The following CCNJL variants were observed in gnomAD, a reference collection of about 807,000 sequenced individuals.
The protein encoded by CCNJL is cyclin-J-like protein.
In CCNJL, 33 loss-of-function variants were observed where a neutral mutation model predicts 33.4. That is an observed-to-expected ratio of 0.99 (90% CI 0.75 to 1.32). The LOEUF (loss-of-function observed/expected upper bound fraction) is 1.32. Among genes scored for constraint, CCNJL ranks in the 40% most tolerant of loss-of-function variants. The pLI is 0.00. For synonymous variants in CCNJL, 227 were observed against 220.9 expected, an observed-to-expected ratio of 1.03 and a Z score of -0.24; for missense variants, 512 against 499.7, an observed-to-expected ratio of 1.02 and a Z score of -0.23.
chr5:160,270,711 ATTTTG>A (rs1377481479), intron 3 of CCNJL, among the ~76,000 whole-genome samples: 1 of 152,220 alleles, frequency 6.6e-6, no homozygotes, highest in Non-Finnish European at 1.5e-5. Flanking sequence ...AGTGATTTTT[ATTTTG>A]TTATTTTTAT....
chr5:160,283,986 G>T (rs528250529), intron 2 of CCNJL, among the ~76,000 whole-genome samples: 1 of 152,308 alleles, frequency 6.6e-6, no homozygotes, highest in South Asian at 2.1e-4. Context: ...ACTCCACTGT[G>T]TATATGTAGC....
chr5:160,323,458 C>T (rs1359215363), intron 1 of CCNJL, among the ~76,000 whole-genome samples: 1 of 152,162 alleles, frequency 6.6e-6, no homozygotes, highest in Non-Finnish European at 1.5e-5. Flanking sequence ...TTTAACCAGT[C>T]TTTCATTTTA....
intron 1 of CCNJL, among the ~76,000 whole-genome samples, chr5:160,335,029 A>G (rs1406248758): frequency 4.6e-5 from 7 of 152,236 alleles, no homozygotes; most frequent in Non-Finnish European, 1.0e-4. Context: ...TTGGGAGGCC[A>G]AGGTGGGCAG....
intron 2 of CCNJL, among the ~76,000 whole-genome samples, chr5:160,300,764 A>T (rs1762896908): frequency 6.6e-6 from 1 of 152,046 alleles, no homozygotes; most frequent in Non-Finnish European, 1.5e-5. Context: ...GGCCCAAGTG[A>T]TCCTCCCATT....
At chr5:160,270,902 G>A (rs1018399757) in intron 3 of CCNJL, among the ~76,000 whole-genome samples, 2 of 152,012 alleles carry the variant, frequency 1.3e-5, no homozygotes, top group African/African-American at 2.4e-5. Context: ...AGAATATCTC[G>A]GCATGAACCT....
At chr5:160,278,269 G>A (rs556835968) in intron 3 of CCNJL, among the ~76,000 whole-genome samples, 1 of 152,236 alleles carries the variant, frequency 6.6e-6, no homozygotes, top group South Asian at 2.1e-4. Context: ...CAAGGTGTTG[G>A]GATTATAGGT....
chr5:160,297,631 C>A (rs1033765988), intron 2 of CCNJL, among the ~76,000 whole-genome samples: 4 of 136,476 alleles, frequency 2.9e-5, no homozygotes, highest in Non-Finnish European at 6.1e-5. Flanking sequence ...CCTGGCAACA[C>A]AGTGAGATCT....
At chr5:160,294,225 C>T (rs924670417) in intron 2 of CCNJL, among the ~76,000 whole-genome samples, 35 of 152,180 alleles carry the variant, frequency 2.3e-4, no homozygotes, top group African/African-American at 8.2e-4. Flanking sequence ...CTCTCTGCCC[C>T]GATTGCTTCA....
chr5:160,254,179 C>G (rs534206663), intron 5 of CCNJL: 13 of 483,684 alleles, frequency 2.7e-5, no homozygotes, highest in Admixed American at 1.9e-4. Context: ...GCCTTCCCAT[C>G]CCCTGGCACT....
At position 160,320,977 on chromosome 5, in the gene CCNJL, CCT is replaced by C. The variant is rs1229883934; in HGVS notation, n.207-5474_207-5473del. 2.2e-4 allele frequency among the ~76,000 whole-genome samples: 26 copies of C among 116,594 alleles called. 3 individuals carry two copies. The highest frequency in any genetic ancestry group is 8.9e-4 in the East Asian group (4 of 4,512). 76.5% of individuals were successfully genotyped at this position (116,594 alleles called of 152,430 possible). Reference sequence around the variant, plus strand: ...CTTCTCTCCTCTCTGTCTCTCCCTCCCTCTCTCTCTTTCTTTCTTTCTCTCTC... The same window carrying C: ...CTTCTCTCCTCTCTGTCTCTCCCTCCCTCTCTCTTTCTTTCTTTCTCTCTC... On this transcript the variant is annotated intron_variant and non_coding_transcript_variant, in intron 1 of 7. Transcript: ENST00000377503.
At chr5:160,283,062 A>T in intron 2 of CCNJL, among the ~76,000 whole-genome samples, 1 of 141,414 alleles carries the variant, frequency 7.1e-6, no homozygotes, top group Non-Finnish European at 1.5e-5. Context: ...CCACACAAAA[A>T]CTTGTATATG....
intron 3 of CCNJL, among the ~76,000 whole-genome samples, chr5:160,262,204 G>A (rs1761367558): frequency 6.6e-6 from 1 of 152,114 alleles, no homozygotes; most frequent in Non-Finnish European, 1.5e-5. Context: ...ACTGTACTGG[G>A]GTGGCACTAA....
chr5:160,316,244 C>T (rs1437029066), upstream of CCNJL, among the ~76,000 whole-genome samples: 1 of 152,094 alleles, frequency 6.6e-6, no homozygotes, highest in East Asian at 1.9e-4. Flanking sequence ...TCCCATCCAC[C>T]CCCAACCAAG....
chr5:160,322,497 T>G (rs1286530448), intron 1 of CCNJL, among the ~76,000 whole-genome samples: 1 of 152,228 alleles, frequency 6.6e-6, no homozygotes, highest in Non-Finnish European at 1.5e-5. Context: ...GTTGAATAAG[T>G]GCGAGCCAAA....
intron 2 of CCNJL, 130 bp downstream of exon 2, chr5:160,311,728 G>A: frequency 1.2e-6 from 1 of 807,738 alleles, no homozygotes; most frequent in East Asian, 2.5e-5. Context: ...CCGGGAGAAG[G>A]TAAAGGGTAA....
chr5:160,326,750 C>A, intron 1 of CCNJL: 2 of 873,168 alleles, frequency 2.3e-6, no homozygotes, highest in Non-Finnish European at 3.8e-6. Context: ...GCCCATCAAT[C>A]TCATCTTCAG....
intron 1 of CCNJL, among the ~76,000 whole-genome samples, chr5:160,338,714 A>G (rs1763712758): frequency 6.6e-6 from 1 of 152,230 alleles, no homozygotes. Flanking sequence ...GGTAATGCGT[A>G]TAAAGCACTT....
chr5:160,284,344 C>G (rs928236782), intron 2 of CCNJL, among the ~76,000 whole-genome samples: 3 of 151,786 alleles, frequency 2.0e-5, no homozygotes, highest in Non-Finnish European at 4.4e-5. Flanking sequence ...AGAGCCAGAC[C>G]CTGTCTCAAA....
intron 1 of CCNJL, among the ~76,000 whole-genome samples, chr5:160,338,350 C>T (rs562558419): frequency 4.6e-5 from 7 of 152,266 alleles, no homozygotes; most frequent in East Asian, 1.9e-4. Context: ...GCTGAGATCA[C>T]GCCACTGCAC....
Sources: gnomAD v4.1 joint callset for allele counts (sites outside exome capture counted in the v4.1 genomes callset) on GRCh38, gnomAD v4.1.1 for gene constraint, MANE v1.5 for transcripts, NCBI Gene and HGNC (gene_info 2026-07-23, HGNC 2026-07-21) for gene names.